Variants in TMEM204 observed in about 807,000 individuals in gnomAD.
TMEM204 encodes the protein claudin-like protein 24.
TMEM204 carries 15 observed loss-of-function variants against 19.4 expected under a neutral mutation model. The ratio of observed to expected loss-of-function variants is 0.77; its 90% confidence interval spans 0.52 to 1.19. TMEM204 has a LOEUF of 1.19. Ranked by LOEUF, TMEM204 falls within the 50% of genes most tolerant of loss-of-function variation. TMEM204 has a pLI of 0.00. For synonymous variants in TMEM204, 161 were observed against 146.0 expected, an observed-to-expected ratio of 1.10 and a Z score of -0.74; for missense variants, 287 against 321.2, an observed-to-expected ratio of 0.89 and a Z score of 0.81.
intron 2 of TMEM204, among the ~76,000 whole-genome samples, chr16:1,549,094 C>T (rs2032421605): frequency 2.0e-5 from 3 of 152,180 alleles, no homozygotes; most frequent in Non-Finnish European, 1.5e-5. Context: ...TGCCTAGGGC[C>T]GCGCAGGTTC....
chr16:1,538,015 G>T (rs535550262), intron 1 of TMEM204, among the ~76,000 whole-genome samples: 3 of 152,194 alleles, frequency 2.0e-5, no homozygotes, highest in Non-Finnish European at 2.9e-5. Flanking sequence ...CTGCTACCAC[G>T]CACAGCCACG....
chr16:1,546,970 C>T lies in TMEM204; in HGVS notation c.436+4894C>T, dbSNP rs922463462. Among the ~76,000 whole-genome samples the T allele has an allele frequency of 2.6e-5, 4 of 152,218 alleles. No individual in the cohort carries two copies. In the East Asian group the frequency reaches 5.8e-4, roughly 22 times the overall value. On this transcript the variant is annotated intron_variant, in intron 2 of 2. Transcript: ENST00000566264. ...AGTGAAGTCCCCGCCGTCCCCCAGT[C>T]GGTGCTCACATGACACTCTCTGCAT...
chr16:1,536,596 G>A (rs967602046), intron 1 of TMEM204, among the ~76,000 whole-genome samples: 19 of 152,174 alleles, frequency 1.2e-4, no homozygotes, highest in African/African-American at 4.3e-4. Flanking sequence ...CAGGCTCAAC[G>A]GGTAACTTTT....
chr16:1,550,014 G>A (rs2032502171), intron 2 of TMEM204, among the ~76,000 whole-genome samples: 1 of 152,054 alleles, frequency 6.6e-6, no homozygotes, highest in South Asian at 2.1e-4. Flanking sequence ...TGAGTGCAAT[G>A]GTGCAATCAC....
chr16:1,555,108 C>A lies in TMEM204; in HGVS notation c.*82C>A. 6.6e-7 allele frequency: 1 copy of A among 1,513,504 alleles called. No individual in the cohort carries two copies. The highest frequency in any genetic ancestry group is 8.8e-7 in the Non-Finnish European group (1 of 1,132,232). The allele number at this position is 1,513,504 out of a possible 1,614,324, so 93.8% of individuals were successfully genotyped here. A position where few individuals can be genotyped will look rare whatever the true frequency, so the allele number is the denominator to read the frequency against. On this transcript the variant is annotated 3_prime_UTR_variant, in exon 3 of 3. Coordinates refer to ENST00000566264, the MANE Select transcript of TMEM204 (RefSeq NM_024600.6). ...ACCAAGGGACTCCACCACCAAGTCA[C>A]TTCCCCTGCTCGTGCAGAGGCACGG...
Position 1,553,448 on chromosome 16 carries a change from G to A in TMEM204, c.437-1334G>A, listed in dbSNP as rs1567362109. ...AGTGGAGAGACCGGCATGAACAGAC[G>A]CACAGGTGTCAACATGCAGGCCAGG... is the stretch of plus-strand genomic sequence containing the variant. On this transcript the variant is annotated intron_variant, in intron 2 of 2. Transcript: ENST00000566264. The surrounding 1 kb of genome is among the most constrained non-coding windows in gnomAD (Gnocchi z 4.4). The A allele has an allele frequency of 9.1e-6, 9 of 985,438 alleles. No homozygotes were observed. The South Asian group carries it at 2.3e-4, about 26-fold the overall frequency. 61.0% of individuals were successfully genotyped at this position (985,438 alleles called of 1,614,324 possible).
chr16:1,544,917 G>A (rs946565703), intron 2 of TMEM204, among the ~76,000 whole-genome samples: 2 of 152,184 alleles, frequency 1.3e-5, no homozygotes, highest in African/African-American at 2.4e-5. Context: ...CAAAGTGCTG[G>A]GATTACAAGC....
At chr16:1,542,762 C>T (rs1478961970) in intron 2 of TMEM204, among the ~76,000 whole-genome samples, 4 of 152,234 alleles carry the variant, frequency 2.6e-5, no homozygotes, top group Admixed American at 6.5e-5. Flanking sequence ...ATCACGAGGC[C>T]CTGGCTTCCC....
chr16:1,541,281 A>C (rs1302628313), intron 1 of TMEM204: 1 of 984,696 alleles, frequency 1.0e-6, no homozygotes, highest in Admixed American at 6.1e-5. Context: ...CCAGGAGGTG[A>C]GGGGGGCAGG....
At chr16:1,548,327 T>C (rs1287995965) in intron 2 of TMEM204, among the ~76,000 whole-genome samples, 2 of 152,166 alleles carry the variant, frequency 1.3e-5, no homozygotes, top group Non-Finnish European at 2.9e-5. Flanking sequence ...TGTGCATGTG[T>C]GACAGCCATT....
chr16:1,544,702 G>A (rs1887383990), intron 2 of TMEM204, among the ~76,000 whole-genome samples: 1 of 151,684 alleles, frequency 6.6e-6, no homozygotes. Flanking sequence ...AGGCTGGAGT[G>A]CAGTGGCGCG....
rs546477603 is a variant in TMEM204 at position 1,544,928 on chromosome 16, G to A, written c.436+2852G>A. On this transcript the variant is annotated intron_variant, in intron 2 of 2. Coordinates refer to ENST00000566264, the MANE Select transcript of TMEM204 (RefSeq NM_024600.6). ...CTCCCAAAGTGCTGGGATTACAAGCGTGAGCCACGGCACCCGGCCCAGATC... is the reference window on the plus strand; with the variant it reads ...CTCCCAAAGTGCTGGGATTACAAGCATGAGCCACGGCACCCGGCCCAGATC... Among the ~76,000 whole-genome samples the A allele has an allele frequency of 5.3e-5, 8 of 152,326 alleles. No homozygotes were observed. In the South Asian group the frequency reaches 1.0e-3, roughly 20 times the overall value.
At chr16:1,544,479 C>CCAGCTGGATCACTGCATTTCTTT (rs1555483573) in intron 2 of TMEM204, among the ~76,000 whole-genome samples, 1 of 150,744 alleles carries the variant, frequency 6.6e-6, no homozygotes, top group Non-Finnish European at 1.5e-5. Flanking sequence ...GCCACCGCGC[C>CCAGCTGGATCACTGCATTTCTTT]TGGCCACGCC....
rs756533147 is a variant in TMEM204, at chr16:1,534,150, C to T, written c.-126C>T. The T allele has an allele frequency of 1.7e-5, 21 of 1,264,518 alleles. No homozygotes were observed. The highest frequency in any genetic ancestry group is 6.0e-5 in the South Asian group (4 of 67,040). The allele number at this position is 1,264,518 out of a possible 1,614,324, so 78.3% of individuals were successfully genotyped here. A position where few individuals can be genotyped will look rare whatever the true frequency, so the allele number is the denominator to read the frequency against. ...CTGGACCATCCCATGGGCCTCCGCCCGCGCCGCCCCGAGGATGAGTGGTGA... is the reference window on the plus strand; with the variant it reads ...CTGGACCATCCCATGGGCCTCCGCCTGCGCCGCCCCGAGGATGAGTGGTGA... On this transcript the variant is annotated 5_prime_UTR_variant, in exon 1 of 3. Transcript: ENST00000566264.
chr16:1,530,342 A>G (rs1447859251), upstream of TMEM204, among the ~76,000 whole-genome samples: 1 of 151,940 alleles, frequency 6.6e-6, no homozygotes, highest in East Asian at 1.9e-4. Flanking sequence ...CATGTTGGCC[A>G]GGATGGTCTC....
At chr16:1,543,461 G>A (rs760751162) in intron 2 of TMEM204, among the ~76,000 whole-genome samples, 17 of 152,352 alleles carry the variant, frequency 1.1e-4, no homozygotes, top group Non-Finnish European at 2.4e-4. Flanking sequence ...TTCCCCTGGC[G>A]GGTAGGGGCG....
chr16:1,529,440 C>T (rs1451641433), upstream of TMEM204, among the ~76,000 whole-genome samples: 1 of 152,262 alleles, frequency 6.6e-6, no homozygotes. Flanking sequence ...TTCCTGGACG[C>T]TCAGTCGGCG....
At chr16:1,531,069 C>T (rs1005774595), upstream of TMEM204, 6 of 152,462 alleles carry the variant, frequency 3.9e-5, no homozygotes, top group African/African-American at 7.2e-5. The surrounding 1 kb of genome is among the most constrained non-coding windows in gnomAD (Gnocchi z 4.7). Flanking sequence ...ACCAGCCCCG[C>T]GTGATTCCCA....
chr16:1,542,015 C>A lies in TMEM204; in HGVS notation c.375C>A (p.Pro125=), dbSNP rs754735634. ...LTFLLGLVGL[P]LLSPDAPCWE... ...TCCTCCTGGGGCTGGTGGGCCTGCC[C>A]CTGCTGTCACCCGACGCCCCGTGCT... The change falls in exon 2 of 3, where the codon CCC becomes CCA. Residue 125 remains proline (P), a synonymous_variant. Transcript: ENST00000566264. 1 of 1,611,478 alleles carries A rather than the reference C, an allele frequency of 6.2e-7. No individual in the cohort carries two copies. The highest frequency in any genetic ancestry group is 8.5e-7 in the Non-Finnish European group (1 of 1,179,638).
Sources: gnomAD v4.1 joint callset for allele counts (sites outside exome capture counted in the v4.1 genomes callset) on GRCh38, gnomAD v4.1.1 for gene constraint, Gnocchi (gnomAD v3.1) non-coding constraint, MANE v1.5 for transcripts, NCBI Gene and HGNC (gene_info 2026-07-23, HGNC 2026-07-21) for gene names.